The following PTPRM variants were observed in gnomAD, a reference collection of about 807,000 sequenced individuals.
PTPRM encodes receptor-type tyrosine-protein phosphatase mu.
Under a neutral mutation model 186.7 loss-of-function variants are expected in PTPRM, and 47 were observed. The observed-to-expected ratio is 0.25, with a 90% CI of 0.20 to 0.32. The LOEUF is 0.32. PTPRM is among the 10% of genes least tolerant of loss of function. PTPRM has a pLI of 1.00. For missense variants in PTPRM, 1,494 were observed against 1,865.0 expected (o/e 0.80, Z 3.66); for synonymous variants, 668 against 674.9 (o/e 0.99, Z 0.16).
rs540832088 is a variant in PTPRM at position 8,244,083 on chromosome 18, A to T, written c.2326A>T (p.Thr776Ser). The change falls in exon 15 of 33, where the codon ACC (threonine) becomes TCC (serine). Residue 776 changes from threonine to serine, a missense_variant. Thr to Ser is a moderately conservative substitution (Grantham distance 58). Coordinates refer to ENST00000580170, the MANE Select transcript of PTPRM (RefSeq NM_001105244.2). ...GAAACTGGCCAAGAAGCGGAAAGAG[A>T]CCATGAGCAGCACCCGACAGGAGAT... The part of the protein sequence containing the change: ...KRKLAKKRKE[T>S]MSSTRQEMTV... 2 of 1,609,374 alleles carry T rather than the reference A, an allele frequency of 1.2e-6. No homozygotes were observed. The highest frequency in any genetic ancestry group is 2.7e-5 in the African/African-American group (2 of 74,668).
intron 2 of PTPRM, among the ~76,000 whole-genome samples, chr18:7,878,143 C>G (rs899828691): frequency 1.3e-5 from 2 of 152,128 alleles, no homozygotes; most frequent in Non-Finnish European, 2.9e-5. Context: ...AACTATTTTC[C>G]CAGACATCTC....
chr18:8,379,046 G>C (rs536842408), intron 27 of PTPRM, 121 bp from the exon 28 acceptor site: 8,065 of 734,386 alleles, frequency 0.011, 78 homozygotes, highest in Non-Finnish European at 0.015. Flanking sequence ...GGTTGGGGAG[G>C]GAGGGGGAAG....
chr18:7,644,833 A>G (rs1053817799), intron 1 of PTPRM, among the ~76,000 whole-genome samples: 1 of 152,160 alleles, frequency 6.6e-6, no homozygotes, highest in Non-Finnish European at 1.5e-5. Flanking sequence ...ACAGTAGAAG[A>G]TGATATACGC....
At chr18:8,240,443 A>G (rs1458464212) in intron 14 of PTPRM, among the ~76,000 whole-genome samples, 5 of 90,994 alleles carry the variant, frequency 5.5e-5, no homozygotes, top group Non-Finnish European at 8.7e-5. Context: ...CTCAAAAATA[A>G]AGAGAGAGAG....
chr18:7,850,945 A>G (rs898245751), intron 2 of PTPRM, among the ~76,000 whole-genome samples: 3 of 152,216 alleles, frequency 2.0e-5, no homozygotes, highest in Non-Finnish European at 4.4e-5. Context: ...TCAATATAAC[A>G]TGGGTTGAAG....
chr18:8,166,416 T>C (rs2093325242), intron 14 of PTPRM, among the ~76,000 whole-genome samples: 1 of 152,190 alleles, frequency 6.6e-6, no homozygotes. Flanking sequence ...TATGTTTATA[T>C]TTATTATGTG....
chr18:7,621,968 A>G (rs2037950386), intron 1 of PTPRM, among the ~76,000 whole-genome samples: 1 of 152,190 alleles, frequency 6.6e-6, no homozygotes, highest in African/African-American at 2.4e-5. Context: ...TTTCAACTCC[A>G]TTGGATAACT....
chr18:8,076,371 A>G (rs2089814828), intron 8 of PTPRM, 84 bp from the exon 9 acceptor site: 2 of 778,260 alleles, frequency 2.6e-6, no homozygotes, highest in African/African-American at 1.8e-5. Context: ...TTTTCTCTCA[A>G]TAGAAGGTTA....
rs1176487707 is a variant in PTPRM, at chr18:8,126,000, TATATATATATATATA to T, written c.2167+11174_2167+11188del. 6.4e-3 allele frequency among the ~76,000 whole-genome samples: 104 copies of T among 16,310 alleles called. 3 individuals carry two copies. The highest frequency in any genetic ancestry group is 0.035 in the Admixed American group (36 of 1,024). The allele number at this position is 16,310 out of a possible 152,430, so 10.7% of individuals were successfully genotyped here. A position where few individuals can be genotyped will look rare whatever the true frequency, so the allele number is the denominator to read the frequency against. On this transcript the variant is annotated intron_variant, in intron 13 of 32. Transcript: ENST00000580170. ...ACATATATATATATATATATATATATATATATATATATATATATATATATATATTTTAAATCAGTA... is the reference window on the plus strand; with the variant it reads ...ACATATATATATATATATATATATATTATATATATATATTTTAAATCAGTA...
At chr18:8,397,747 G>A (rs188797101) in intron 32 of PTPRM, among the ~76,000 whole-genome samples, 60 of 152,294 alleles carry the variant, frequency 3.9e-4, no homozygotes, top group Non-Finnish European at 6.5e-4. Flanking sequence ...GCAGGAAAGC[G>A]GCTGCTTCAC....
At chr18:7,799,488 T>G (rs1176733262) in intron 2 of PTPRM, among the ~76,000 whole-genome samples, 2 of 152,196 alleles carry the variant, frequency 1.3e-5, no homozygotes, top group Admixed American at 6.5e-5. Context: ...TATAGATCAG[T>G]TTGGGAGAGG....
intron 7 of PTPRM, among the ~76,000 whole-genome samples, chr18:8,065,538 G>A (rs2088996883): frequency 6.6e-6 from 1 of 152,146 alleles, no homozygotes; most frequent in Non-Finnish European, 1.5e-5. Flanking sequence ...TGGGCCCACA[G>A]TGGACCCACT....
intron 13 of PTPRM, among the ~76,000 whole-genome samples, chr18:8,129,142 T>C (rs2092443279): frequency 6.6e-6 from 1 of 152,226 alleles, no homozygotes; most frequent in Non-Finnish European, 1.5e-5. Context: ...GTACTTTCAG[T>C]TTAAAAAACA....
intron 1 of PTPRM, among the ~76,000 whole-genome samples, chr18:7,704,997 A>G (rs982302998): frequency 6.6e-6 from 1 of 152,160 alleles, no homozygotes; most frequent in Non-Finnish European, 1.5e-5. Context: ...CTGAGGAAAT[A>G]ATATTTAAGC....
rs751049798 is a variant in PTPRM, at chr18:8,088,793, A to G, written c.1798A>G (p.Thr600Ala). ...AYELETPLNQ[T>A]DNTVTVMLKP... is the part of the protein sequence containing the mutation. ...TGAACTTGAGACACCTTTGAATCAA[A>G]CTGACAATACCGTGACAGTCATGCT... Residue 600 changes from threonine to alanine, a missense_variant, in exon 11 of 33, where the codon ACT (threonine) becomes GCT (alanine). Transcript: ENST00000580170. 5.0e-6 allele frequency: 8 copies of G among 1,613,108 alleles called. No homozygotes were observed. In the Admixed American group the frequency reaches 5.0e-5, roughly 10 times the overall value.
intron 14 of PTPRM, among the ~76,000 whole-genome samples, chr18:8,183,726 A>G (rs2093607533): frequency 6.6e-6 from 1 of 152,248 alleles, no homozygotes; most frequent in African/African-American, 2.4e-5. Context: ...GAAATAGTCA[A>G]AGTTGCCACC....
chr18:8,406,041 G>A (rs1253160561), intron 32 of PTPRM, 68 bp from the exon 33 acceptor site: 2 of 1,378,690 alleles, frequency 1.5e-6, no homozygotes, highest in Non-Finnish European at 2.1e-6. Flanking sequence ...CCTACTCTAT[G>A]GTAATTGCTT....
intron 2 of PTPRM, among the ~76,000 whole-genome samples, chr18:7,829,755 T>C (rs2045666489): frequency 6.6e-6 from 1 of 152,124 alleles, no homozygotes; most frequent in Non-Finnish European, 1.5e-5. Context: ...TTAGCAGAAA[T>C]GAGATTGCTC....
chr18:8,401,381 G>T (rs981745447), intron 32 of PTPRM, among the ~76,000 whole-genome samples: 1 of 152,200 alleles, frequency 6.6e-6, no homozygotes, highest in African/African-American at 2.4e-5. Flanking sequence ...GCAGGGATGA[G>T]AATTTATTGG....
Sources: gnomAD v4.1 joint callset for allele counts (sites outside exome capture counted in the v4.1 genomes callset) on GRCh38, gnomAD v4.1.1 for gene constraint, MANE v1.5 for transcripts, NCBI Gene and HGNC (gene_info 2026-07-23, HGNC 2026-07-21) for gene names.